Variants in GRP observed in about 807,000 individuals in gnomAD.
The protein encoded by GRP is gastrin releasing peptide.
In GRP, 11 loss-of-function variants were observed where a neutral mutation model predicts 12.7. The ratio of observed to expected loss-of-function variants is 0.87; its 90% CI spans 0.55 to 1.44. The LOEUF is 1.44. Ranked by LOEUF, GRP falls within the 40% of genes most tolerant of loss-of-function variation. The pLI, the probability that GRP is intolerant of heterozygous loss-of-function variation, is 0.00. For missense variants in GRP, 212 were observed against 185.4 expected, an observed-to-expected ratio of 1.14 and a Z score of -0.83; for synonymous variants, 84 against 77.7, an observed-to-expected ratio of 1.08 and a Z score of -0.43.
At chr18:59,224,890 C>G (rs1374937179) in intron 1 of GRP, among the ~76,000 whole-genome samples, 1 of 152,182 alleles carries the variant, frequency 6.6e-6, no homozygotes, top group Non-Finnish European at 1.5e-5. Flanking sequence ...AACAGTAAAT[C>G]TGGGTAGTTT....
rs1409357234 is a variant in GRP, at chr18:59,225,366, G to A, written c.140-126G>A. The A allele has an allele frequency of 5.5e-6, 5 of 911,554 alleles. No homozygotes were observed. The East Asian group carries it at 9.7e-5, about 18-fold the overall frequency. 56.5% of individuals were successfully genotyped at this position (911,554 alleles called of 1,614,324 possible). A position where few individuals can be genotyped will look rare whatever the true frequency, so the allele number is the denominator to read the frequency against. On this transcript the variant is annotated intron_variant, in intron 1 of 2. Transcript: ENST00000256857. ...TATGAACTAACTCTTAATAAAACAT[G>A]ATTTATTCTGCATTTAGGAGGAAGC... is the stretch of plus-strand genomic sequence containing the variant.
chr18:59,225,105 AC>A (rs1362384256), intron 1 of GRP, among the ~76,000 whole-genome samples: 3 of 152,224 alleles, frequency 2.0e-5, no homozygotes, highest in African/African-American at 7.2e-5. Context: ...AATTTGGTGC[AC>A]ACAGAATTGA....
chr18:59,230,766 T>C lies in GRP; in HGVS notation c.*298T>C. The C allele has an allele frequency of 2.8e-6, 1 of 354,428 alleles. No individual in the cohort carries two copies. The highest frequency in any genetic ancestry group is 5.3e-6 in the Non-Finnish European group (1 of 188,736). The allele number at this position is 354,428 out of a possible 1,614,324, so 22.0% of individuals were successfully genotyped here. A position where few individuals can be genotyped will look rare whatever the true frequency, so the allele number is the denominator to read the frequency against. The stretch of plus-strand genomic sequence containing the variant: ...TCACAATAAAAGCTTAAACACATTG[T>C]CCAAAGGGCAGGCTGTTCTCTTATT... On this transcript the variant is annotated 3_prime_UTR_variant, in exon 3 of 3. Coordinates refer to ENST00000256857, the MANE Select transcript of GRP (RefSeq NM_002091.5).
rs1358165216 is a variant in GRP at position 59,230,584 on chromosome 18, G to A, written c.*116G>A. ...CTTGTGCAAAATATTTGACTATTCT[G>A]TATCTTTCATCCTTGACTAAATTCG... On this transcript the variant is annotated 3_prime_UTR_variant, in exon 3 of 3. Coordinates refer to ENST00000256857, the MANE Select transcript of GRP (RefSeq NM_002091.5). 7 of 681,768 alleles carry A rather than the reference G, an allele frequency of 1.0e-5. No homozygotes were observed. Among genetic ancestry groups the A allele is most frequent in the Admixed American group, 2.2e-5 (1 of 45,478 alleles). The allele number at this position is 681,768 out of a possible 1,614,324, so 42.2% of individuals were successfully genotyped here.
chr18:59,219,293 C>G (rs2069789202), upstream of GRP, among the ~76,000 whole-genome samples: 1 of 150,930 alleles, frequency 6.6e-6, no homozygotes, highest in South Asian at 2.1e-4. Context: ...GGCCAGCTAT[C>G]TTCTGTCTTG....
In GRP at chr18:59,220,160, C is replaced by T. The variant is rs2144092620; in HGVS notation, c.-106C>T. 1.2e-6 allele frequency: 1 copy of T among 808,924 alleles called. No homozygotes were observed. The highest frequency in any genetic ancestry group is 1.8e-6 in the Non-Finnish European group (1 of 563,450). The allele number at this position is 808,924 out of a possible 1,614,324, so 50.1% of individuals were successfully genotyped here. Reference sequence around the variant, plus strand: ...GTAGGGGCCCTAGTGGAGGCCGCAGCAGTAGCACCAGCGGCTGCGGCGGCG... The same window carrying T: ...GTAGGGGCCCTAGTGGAGGCCGCAGTAGTAGCACCAGCGGCTGCGGCGGCG... On this transcript the variant is annotated 5_prime_UTR_variant, in exon 1 of 3. Transcript: ENST00000256857.
At chr18:59,226,517 A>G (rs2069923846) in intron 2 of GRP, among the ~76,000 whole-genome samples, 1 of 152,140 alleles carries the variant, frequency 6.6e-6, no homozygotes, top group African/African-American at 2.4e-5. Flanking sequence ...GTTTACCTCC[A>G]TTTTCTCGGC....
At position 59,222,279 on chromosome 18, in the gene GRP, C is replaced by T. The variant is rs976017396; in HGVS notation, c.139+1875C>T. ...AGCCAATCTTGATTTGCTGTAGTTC[C>T]GCAGAACATCTGTCTCCAGGTATTT... On this transcript the variant is annotated intron_variant, in intron 1 of 2. Transcript: ENST00000256857. 1.3e-4 allele frequency among the ~76,000 whole-genome samples: 20 copies of T among 152,164 alleles called. 1 individual carries two copies. The highest frequency in any genetic ancestry group is 2.9e-4 in the African/African-American group (12 of 41,434).
Position 59,220,261 on chromosome 18 carries a change from G to A in GRP, c.-5G>A. 1 of 1,497,120 alleles carries A rather than the reference G, an allele frequency of 6.7e-7. No individual in the cohort carries two copies. Among genetic ancestry groups the A allele is most frequent in the Admixed American group, 2.1e-5 (1 of 47,496 alleles). 92.7% of individuals were successfully genotyped at this position (1,497,120 alleles called of 1,614,324 possible). On this transcript the variant is annotated 5_prime_UTR_variant, in exon 1 of 3. Coordinates refer to ENST00000256857, the MANE Select transcript of GRP (RefSeq NM_002091.5). ...GGCGCGCTCCAAGGGCTTCCCGTCG[G>A]GACCATGCGCGGCCGTGAGCTCCCG...
chr18:59,220,380 CCG>C lies in GRP; in HGVS notation c.120_121del (p.Gly41GlnfsTer22). On this transcript the variant is annotated frameshift_variant, in exon 1 of 3. Coordinates refer to ENST00000256857, the MANE Select transcript of GRP (RefSeq NM_002091.5). LOFTEE classifies it high-confidence loss of function. Reference sequence around the variant, plus strand: ...AGGGACCGTGCTGACCAAGATGTACCCGCGCGGCAACCACTGGGCGGTGGGTG... The same window carrying C: ...AGGGACCGTGCTGACCAAGATGTACCCGCGGCAACCACTGGGCGGTGGGTG... ...GGGTVLTKMYPRGNHWAVGHL... is the reference protein window; with the variant it reads ...GGGTVLTKMYXRGNHWAVGHL... 1 of 1,421,806 alleles carries C rather than the reference CCG, an allele frequency of 7.0e-7. No homozygotes were observed. The highest frequency in any genetic ancestry group is 9.2e-7 in the Non-Finnish European group (1 of 1,087,140). The allele number at this position is 1,421,806 out of a possible 1,614,324, so 88.1% of individuals were successfully genotyped here.
intron 2 of GRP, among the ~76,000 whole-genome samples, chr18:59,227,050 TTTC>T (rs1555663452): frequency 5.2e-5 from 7 of 134,302 alleles, no homozygotes; most frequent in African/African-American, 1.2e-4. Flanking sequence ...TCTTTCTTTC[TTTC>T]TTCCTTTCTT....
At chr18:59,226,687 G>A (rs2069926800) in intron 2 of GRP, among the ~76,000 whole-genome samples, 1 of 152,188 alleles carries the variant, frequency 6.6e-6, no homozygotes, top group Admixed American at 6.5e-5. Context: ...TCCAGAAATG[G>A]TCCTCATTGA....
intron 1 of GRP, among the ~76,000 whole-genome samples, chr18:59,224,610 C>T (rs982153924): frequency 2.0e-5 from 3 of 152,164 alleles, no homozygotes; most frequent in Admixed American, 6.5e-5. Flanking sequence ...AATATTCAAG[C>T]AAGGGTCTAA....
intron 1 of GRP, among the ~76,000 whole-genome samples, chr18:59,222,334 A>G (rs935009926): frequency 1.3e-5 from 2 of 152,148 alleles, no homozygotes; most frequent in Non-Finnish European, 2.9e-5. Context: ...TGCCCTTCAT[A>G]GTGGTACTTG....
Position 59,220,382 on chromosome 18 carries a change from G to T in GRP, c.117G>T (p.Pro39=). The change falls in exon 1 of 3, where the codon CCG becomes CCT. Residue 39 remains proline, a synonymous_variant. Transcript: ENST00000256857. ...GGGTVLTKMY[P]RGNHWAVGHL... ...GGACCGTGCTGACCAAGATGTACCC[G>T]CGCGGCAACCACTGGGCGGTGGGTG... 1.4e-6 allele frequency: 2 copies of T among 1,420,526 alleles called. No individual in the cohort carries two copies. The highest frequency in any genetic ancestry group is 3.0e-5 in the South Asian group (2 of 67,240). 88.0% of individuals were successfully genotyped at this position (1,420,526 alleles called of 1,614,324 possible). A position where few individuals can be genotyped will look rare whatever the true frequency, so the allele number is the denominator to read the frequency against.
At position 59,230,408 on chromosome 18, in the gene GRP, T is replaced by C. The variant is rs200574825; in HGVS notation, c.387T>C (p.Gly129=). Residue 129 remains glycine (G), a synonymous_variant, in exon 3 of 3, where the codon GGT becomes GGC. Transcript: ENST00000256857. ...CTCTTTCTAATATTTCTTAAGTTGGTAGACTCTCTGCTCCAGGTTCTCAAC... is the reference window on the plus strand; with the variant it reads ...CTCTTTCTAATATTTCTTAAGTTGGCAGACTCTCTGCTCCAGGTTCTCAAC... ...FKDVGSKGKV[G]RLSAPGSQRE... 9 of 1,565,884 alleles carry C rather than the reference T, an allele frequency of 5.7e-6. No individual in the cohort carries two copies. The Admixed American group carries it at 1.5e-4, about 26-fold the overall frequency.
intron 1 of GRP, among the ~76,000 whole-genome samples, chr18:59,222,580 G>A (rs956270342): frequency 6.6e-6 from 1 of 152,210 alleles, no homozygotes. Context: ...TGACAAGGAT[G>A]AATGATGTTA....
chr18:59,220,102 C>A, upstream of GRP: 1 of 352,498 alleles, frequency 2.8e-6, no homozygotes, highest in South Asian at 3.7e-5. Context: ...ATAGAAGAGC[C>A]CCCCAGCCCC....
upstream of GRP, among the ~76,000 whole-genome samples, chr18:59,219,483 G>A (rs1271355365): frequency 1.3e-4 from 10 of 79,954 alleles, no homozygotes; most frequent in East Asian, 5.0e-4. Context: ...GGAGGGGAGG[G>A]GAGGGTATGG....
Sources: allele counts gnomAD v4.1 joint callset (sites outside exome capture counted in the v4.1 genomes callset), GRCh38; gene constraint gnomAD v4.1.1; transcripts MANE v1.5; gene names NCBI Gene and HGNC (gene_info 2026-07-23, HGNC 2026-07-21).